Variants in BTN3A1 observed in about 807,000 individuals in gnomAD.
BTN3A1 encodes the protein dJ45P21.3 (butyrophilin, subfamily 3, member A1).
A neutral mutation model predicts 43.0 loss-of-function variants in BTN3A1; 24 were observed. The ratio of observed to expected loss-of-function variants is 0.56; its 90% CI spans 0.40 to 0.78. BTN3A1 has a LOEUF of 0.78. Among genes scored for constraint, BTN3A1 ranks in the 30% least tolerant of loss-of-function variants. The pLI is 0.00. For missense variants in BTN3A1, 533 were observed against 626.2 expected (o/e 0.85, Z 1.59); for synonymous variants, 181 against 234.7 (o/e 0.77, Z 2.09).
chr6:26,411,635 T>A, intron 9 of BTN3A1, 54 bp downstream of exon 9: 1 of 1,569,894 alleles, frequency 6.4e-7, no homozygotes, highest in Middle Eastern at 1.7e-4. Flanking sequence ...ACTATATTCC[T>A]TTTTCCTTTT....
Position 26,413,801 on chromosome 6 carries a change from C to A in BTN3A1, c.*109C>A, listed in dbSNP as rs954319152. ...AGTGGGGAGCCTCAGGCTGAAGTAA[C>A]TTTTCTCTGCTTCTCCCTGCCCAGC... On this transcript the variant is annotated 3_prime_UTR_variant, in exon 10 of 10. Transcript: ENST00000289361. The A allele has an allele frequency of 2.5e-6, 4 of 1,594,646 alleles. No individual in the cohort carries two copies. Among genetic ancestry groups the A allele is most frequent in the African/African-American group, 2.7e-5 (2 of 74,788 alleles).
chr6:26,415,122 C>T lies in BTN3A1; in HGVS notation c.*1430C>T, dbSNP rs975145071. The T allele has an allele frequency of 5.3e-4, 80 of 152,182 alleles. No individual in the cohort carries two copies. The highest frequency in any genetic ancestry group is 1.9e-3 in the African/African-American group (78 of 41,440). 9.4% of individuals were successfully genotyped at this position (152,182 alleles called of 1,614,324 possible). A position where few individuals can be genotyped will look rare whatever the true frequency, so the allele number is the denominator to read the frequency against. On this transcript the variant is annotated 3_prime_UTR_variant, in exon 10 of 10. Transcript: ENST00000289361. ...GGGAAAAACTACTCCTCATTATCAT[C>T]ATTATTATTGCTCTCCACTGTATCC...
In BTN3A1 at chr6:26,411,477, A is replaced by G. The variant is rs917483282; in HGVS notation, c.992-78A>G. 44 of 1,505,912 alleles carry G rather than the reference A, an allele frequency of 2.9e-5. No individual in the cohort carries two copies. The East Asian group carries it at 8.8e-4, about 30-fold the overall frequency. The allele number at this position is 1,505,912 out of a possible 1,614,324, so 93.3% of individuals were successfully genotyped here. On this transcript the variant is annotated intron_variant, in intron 8 of 9. Coordinates refer to ENST00000289361, the MANE Select transcript of BTN3A1 (RefSeq NM_007048.6). ...GACTCTGAAGAAAAGGAGAGAAAAC[A>G]TGTAGTGAGGGGAGAGTGCAGTGGG...
rs551529166 is a variant in BTN3A1, at chr6:26,413,170, G to T, written c.1020G>T (p.Ala340=). ...NEWKKALFKP[A]DVILDPKTAN... is the part of the protein sequence containing the mutation. ...GACACTTCCTCAAACTCTCTGCAGC[G>T]GATGTGATTCTGGATCCAAAAACAG... Residue 340 remains alanine (A), a splice_region_variant and synonymous_variant, in exon 10 of 10, where the codon GCG becomes GCT. Coordinates refer to ENST00000289361, the MANE Select transcript of BTN3A1 (RefSeq NM_007048.6). 9.3e-6 allele frequency: 15 copies of T among 1,610,052 alleles called. No individual in the cohort carries two copies. Among genetic ancestry groups the T allele is most frequent in the Non-Finnish European group, 1.3e-5 (15 of 1,177,918 alleles).
At chr6:26,403,241 T>C (rs1761909086) in intron 1 of BTN3A1, among the ~76,000 whole-genome samples, 1 of 152,184 alleles carries the variant, frequency 6.6e-6, no homozygotes, top group African/African-American at 2.4e-5. Context: ...AGTTTTTGTA[T>C]TTTTAGTAGA....
chr6:26,412,917 G>T (rs767831301), intron 9 of BTN3A1: 2 of 1,477,194 alleles, frequency 1.4e-6, no homozygotes, highest in Non-Finnish European at 9.0e-7. Context: ...CTGAGGCCGC[G>T]TCAGGGTATT....
chr6:26,408,082 C>T, intron 4 of BTN3A1, 130 bp downstream of exon 4: 2 of 1,412,034 alleles, frequency 1.4e-6, no homozygotes, highest in Non-Finnish European at 1.9e-6. Context: ...GACCTGGAGG[C>T]TCCTCCTTGC....
chr6:26,408,651 A>G (rs931103221), intron 4 of BTN3A1, among the ~76,000 whole-genome samples: 2 of 152,360 alleles, frequency 1.3e-5, no homozygotes, highest in East Asian at 3.9e-4. Context: ...ATAAGCTTGC[A>G]TTTGTATGAG....
chr6:26,414,416 C>G lies in BTN3A1; in HGVS notation c.*724C>G, dbSNP rs1762323766. On this transcript the variant is annotated 3_prime_UTR_variant, in exon 10 of 10. Coordinates refer to ENST00000289361, the MANE Select transcript of BTN3A1 (RefSeq NM_007048.6). The stretch of plus-strand genomic sequence containing the variant: ...ACTCCTTCCCAGCTGATTGTCAGAG[C>G]CTTAGACCCAGCACGCCTTGGATTA... The G allele has an allele frequency of 6.5e-6, 1 of 153,746 alleles. No individual in the cohort carries two copies. Among genetic ancestry groups the G allele is most frequent in the South Asian group, 2.0e-4 (1 of 4,908 alleles). The allele number at this position is 153,746 out of a possible 1,614,324, so 9.5% of individuals were successfully genotyped here.
intron 7 of BTN3A1, 109 bp from the exon 8 acceptor site, chr6:26,411,000 T>TAAAA (rs1170183887): frequency 7.1e-4 from 256 of 359,510 alleles, no homozygotes; most frequent in South Asian, 1.9e-3. Flanking sequence ...ATACAGGTGG[T>TAAAA]AAAAAAAAAA....
chr6:26,413,048 G>C, intron 9 of BTN3A1, 121 bp from the exon 10 acceptor site: 1 of 1,515,368 alleles, frequency 6.6e-7, no homozygotes. Flanking sequence ...ATTTAGGGCA[G>C]ACTAGGGACA....
chr6:26,405,770 G>A, intron 2 of BTN3A1, 122 bp downstream of exon 2: 2 of 1,582,106 alleles, frequency 1.3e-6, no homozygotes, highest in Non-Finnish European at 8.7e-7. Context: ...CCGTCACTAA[G>A]AGACAAATGG....
Position 26,407,776 on chromosome 6 carries a change from G to T in BTN3A1, c.539G>T (p.Ser180Ile). 1 of 1,614,214 alleles carries T rather than the reference G, an allele frequency of 6.2e-7. No homozygotes were observed. The change falls in exon 4 of 10, where the codon AGC becomes ATC. Residue 180 changes from serine to isoleucine, a missense_variant. Around this residue, in one of 4 missense-constraint regions of BTN3A1, gnomAD observed 415 missense variants for 427.0 expected, o/e 0.97. Transcript: ENST00000289361. ...TACCCCCAACCCCAAATACAGTGGA[G>T]CAACAACAAGGGAGAGAACATCCCG... ...GWYPQPQIQW[S>I]NNKGENIPTV...
At chr6:26,404,259 C>T (rs1406512487) in intron 1 of BTN3A1, 3 of 152,154 alleles carry the variant, frequency 2.0e-5, no homozygotes, top group Non-Finnish European at 4.4e-5. Flanking sequence ...AATATGTTCC[C>T]GTCACTATTG....
At chr6:26,411,069 G>A (rs760443150) in intron 7 of BTN3A1, 40 bp from the exon 8 acceptor site, 3 of 1,555,416 alleles carry the variant, frequency 1.9e-6, no homozygotes, top group Middle Eastern at 1.7e-4. Flanking sequence ...AATCAAAAAT[G>A]GCAAGTTCAG....
chr6:26,411,850 G>A, intron 9 of BTN3A1: 2 of 438,518 alleles, frequency 4.6e-6, no homozygotes, highest in Non-Finnish European at 8.1e-6. Context: ...GGATCTGAGG[G>A]GAAGGAGACA....
In BTN3A1 at chr6:26,411,407, C is replaced by G. The variant is rs1581632142; in HGVS notation, c.992-148C>G. The stretch of plus-strand genomic sequence containing the variant: ...CACCATTTTTGAGAAGGTACCACCC[C>G]TGATCCATCAGAGCTGTAGAAGAGG... On this transcript the variant is annotated intron_variant, in intron 8 of 9. Transcript: ENST00000289361. The G allele has an allele frequency of 1.0e-5, 11 of 1,056,518 alleles. No individual in the cohort carries two copies. The East Asian group carries it at 2.7e-4, about 26-fold the overall frequency. 65.4% of individuals were successfully genotyped at this position (1,056,518 alleles called of 1,614,324 possible).
intron 7 of BTN3A1, among the ~76,000 whole-genome samples, chr6:26,410,724 AAT>A (rs1349674948): frequency 2.0e-5 from 3 of 150,446 alleles, no homozygotes; most frequent in Non-Finnish European, 3.0e-5. Context: ...CACACATTTA[AAT>A]ATATATATAC....
chr6:26,412,155 G>A (rs892318123), intron 9 of BTN3A1: 2 of 412,006 alleles, frequency 4.9e-6, no homozygotes, highest in African/African-American at 2.0e-5. Flanking sequence ...AGAAAGGAGG[G>A]TTAAGGGAAA....
Sources: gnomAD v4.1 joint callset for allele counts (sites outside exome capture counted in the v4.1 genomes callset) on GRCh38, gnomAD v4.1.1 for gene constraint, gnomAD v4.1.1 regional missense constraint, MANE v1.5 for transcripts, NCBI Gene and HGNC (gene_info 2026-07-23, HGNC 2026-07-21) for gene names.